The following CHIC2 variants were observed in gnomAD, a reference collection of about 807,000 sequenced individuals.
The protein encoded by CHIC2 is cysteine-rich hydrophobic domain-containing protein 2.
Under a neutral mutation model 25.9 loss-of-function variants are expected in CHIC2, and 14 were observed. That is an observed-to-expected ratio of 0.54 (90% CI 0.36 to 0.85). The LOEUF (loss-of-function observed/expected upper bound fraction) is 0.85. Ranked by LOEUF, CHIC2 falls within the 40% of genes least tolerant of loss-of-function variation. The pLI, the probability that CHIC2 is intolerant of heterozygous loss-of-function variation, is 0.01. For missense variants in CHIC2, 146 were observed against 202.0 expected (o/e 0.72, Z 1.68); for synonymous variants, 70 against 72.0 (o/e 0.97, Z 0.14).
chr4:54,032,457 G>A (rs1211165656), intron 3 of CHIC2, among the ~76,000 whole-genome samples: 2 of 152,046 alleles, frequency 1.3e-5, no homozygotes, highest in African/African-American at 4.8e-5. Flanking sequence ...TGGTGGAGAC[G>A]GGGTTTCGCT....
chr4:54,040,376 G>A (rs2110077941), intron 3 of CHIC2, among the ~76,000 whole-genome samples: 1 of 151,978 alleles, frequency 6.6e-6, no homozygotes, highest in East Asian at 1.9e-4. Flanking sequence ...AGATCAGCCT[G>A]GCCAAAATGG....
At chr4:54,037,953 A>G (rs1716445099) in intron 3 of CHIC2, among the ~76,000 whole-genome samples, 1 of 152,150 alleles carries the variant, frequency 6.6e-6, no homozygotes, top group Non-Finnish European at 1.5e-5. Flanking sequence ...AGACAAATCA[A>G]TGACTTCTAC....
At chr4:54,035,488 G>A (rs1716357496) in intron 3 of CHIC2, among the ~76,000 whole-genome samples, 1 of 152,012 alleles carries the variant, frequency 6.6e-6, no homozygotes, top group African/African-American at 2.4e-5. Context: ...CAAGGAATTT[G>A]TCCACTTTAA....
At chr4:54,039,272 A>T (rs1164434362) in intron 3 of CHIC2, among the ~76,000 whole-genome samples, 3 of 152,222 alleles carry the variant, frequency 2.0e-5, no homozygotes, top group Admixed American at 2.0e-4. Context: ...TCCGCCGAAG[A>T]CATTGTTGGA....
chr4:54,087,932 CA>C, the CHIC2 span: 1 of 198,044 alleles, frequency 5.0e-6, no homozygotes, highest in Non-Finnish European at 1.0e-5. Flanking sequence ...CTGTTTTAAA[CA>C]GAAAATAAAA....
chr4:54,035,901 A>C (rs1021283607), intron 3 of CHIC2, among the ~76,000 whole-genome samples: 2 of 152,152 alleles, frequency 1.3e-5, no homozygotes, highest in African/African-American at 4.8e-5. Flanking sequence ...TTTGTGTTTT[A>C]ATCTTCATTT....
At chr4:54,049,220 C>T in intron 2 of CHIC2, 31 bp downstream of exon 2, 2 of 1,575,804 alleles carry the variant, frequency 1.3e-6, no homozygotes. Context: ...CATTTTGAGG[C>T]ATACAAATAG....
chr4:54,080,280 AAGAC>A, the CHIC2 span, among the ~76,000 whole-genome samples: 2 of 151,926 alleles, frequency 1.3e-5, no homozygotes, highest in South Asian at 2.1e-4. Context: ...TAAGTGAAAT[AAGAC>A]AGACAAAGAA....
At chr4:54,055,139 A>G (rs1717134567) in intron 1 of CHIC2, among the ~76,000 whole-genome samples, 1 of 152,082 alleles carries the variant, frequency 6.6e-6, no homozygotes, top group Non-Finnish European at 1.5e-5. Context: ...AAAAAAATAT[A>G]TATATATTTT....
chr4:54,084,514 G>A, the CHIC2 span, among the ~76,000 whole-genome samples: 2 of 151,774 alleles, frequency 1.3e-5, no homozygotes, highest in African/African-American at 4.8e-5. Context: ...GAAAACACAG[G>A]TAAAAACCCC....
intron 2 of CHIC2, 68 bp downstream of exon 2, chr4:54,049,183 T>C: frequency 6.4e-7 from 1 of 1,564,234 alleles, no homozygotes; most frequent in South Asian, 1.2e-5. Flanking sequence ...AGCATACTTT[T>C]TTCTAATTTT....
chr4:54,038,344 C>T (rs114790066), intron 3 of CHIC2, among the ~76,000 whole-genome samples: 143 of 152,130 alleles, frequency 9.4e-4, no homozygotes, highest in African/African-American at 3.3e-3. Context: ...AACTGGAAAT[C>T]AAAATTTAAA....
intron 3 of CHIC2, among the ~76,000 whole-genome samples, chr4:54,039,690 T>C (rs980952886): frequency 1.6e-4 from 24 of 152,212 alleles, no homozygotes; most frequent in Non-Finnish European, 2.9e-4. Flanking sequence ...ACTTACCATA[T>C]AACCCGGCAA....
chr4:54,064,168 C>G lies in CHIC2; in HGVS notation c.119+14G>C. On this transcript the variant is annotated intron_variant, in intron 1 of 5. Transcript: ENST00000263921. The surrounding 1 kb of genome is among the most constrained non-coding windows in gnomAD (Gnocchi z 4.2). ...AGCCCGCACCTCCCGCCCTCGCCCT[C>G]CTCCGGGCCTTACACGGTGACGTGA... is the stretch of plus-strand genomic sequence containing the variant. 1 of 1,594,702 alleles carries G rather than the reference C, an allele frequency of 6.3e-7. No homozygotes were observed. The highest frequency in any genetic ancestry group is 8.5e-7 in the Non-Finnish European group (1 of 1,170,476).
chr4:54,085,993 C>A, the CHIC2 span, among the ~76,000 whole-genome samples: 1 of 151,814 alleles, frequency 6.6e-6, no homozygotes, highest in Non-Finnish European at 1.5e-5. Context: ...ATTGTGCTAA[C>A]CCAAGGACAT....
chr4:54,077,808 T>G, the CHIC2 span, among the ~76,000 whole-genome samples: 2 of 152,192 alleles, frequency 1.3e-5, no homozygotes, highest in Non-Finnish European at 2.9e-5. Flanking sequence ...CTGCCAACTG[T>G]GAGGACCTGT....
At chr4:54,045,081 C>T (rs1280281854) in intron 3 of CHIC2, among the ~76,000 whole-genome samples, 1 of 152,188 alleles carries the variant, frequency 6.6e-6, no homozygotes, top group African/African-American at 2.4e-5. Context: ...CACATACACT[C>T]TCCCAAGACT....
At chr4:54,039,236 A>G (rs1577975207) in intron 3 of CHIC2, among the ~76,000 whole-genome samples, 1 of 152,192 alleles carries the variant, frequency 6.6e-6, no homozygotes. Flanking sequence ...TAAAGCGATG[A>G]ATTCATCAAA....
intron 3 of CHIC2, among the ~76,000 whole-genome samples, chr4:54,047,855 AATTT>A (rs957892517): frequency 1.8e-4 from 27 of 152,072 alleles, no homozygotes; most frequent in East Asian, 3.9e-4. Flanking sequence ...TAAAAAATAA[AATTT>A]ATTTATTTAA....
Sources: allele counts gnomAD v4.1 joint callset (sites outside exome capture counted in the v4.1 genomes callset), GRCh38; gene constraint gnomAD v4.1.1; non-coding constraint Gnocchi (gnomAD v3.1); transcripts MANE v1.5; gene names NCBI Gene and HGNC (gene_info 2026-07-23, HGNC 2026-07-21).